RAMP1: variants seen among roughly 807,000 people sequenced by gnomAD.
The protein encoded by RAMP1 is receptor activity-modifying protein 1.
RAMP1 carries 7 observed loss-of-function variants against 8.2 expected under a neutral mutation model. That is an observed-to-expected ratio of 0.85 (90% CI 0.49 to 1.60). The LOEUF (loss-of-function observed/expected upper bound fraction) is 1.60. Ranked by LOEUF, RAMP1 falls within the 40% of genes most tolerant of loss-of-function variation. The pLI, the probability that RAMP1 is intolerant of heterozygous loss-of-function variation, is 0.00. For missense variants in RAMP1, 192 were observed against 202.4 expected (o/e 0.95, Z 0.31); for synonymous variants, 92 against 84.7 (o/e 1.09, Z -0.47).
rs557549486 is a variant in RAMP1 at position 237,866,116 on chromosome 2, G to A, written c.52+6389G>A. ...CAGGGAGGATTACATCAAGACCACC[G>A]GCTCGAGAAACAGCAGTCTGTTCCT... On this transcript the variant is annotated intron_variant, in intron 1 of 2. Transcript: ENST00000254661. 1.8e-4 allele frequency among the ~76,000 whole-genome samples: 28 copies of A among 152,044 alleles called. 1 individual carries two copies. Among genetic ancestry groups the A allele is most frequent in the Admixed American group, 9.8e-4 (15 of 15,268 alleles).
chr2:237,861,114 A>G (rs921508227), intron 1 of RAMP1, among the ~76,000 whole-genome samples: 1 of 152,232 alleles, frequency 6.6e-6, no homozygotes, highest in East Asian at 1.9e-4. Context: ...TAAATAACCA[A>G]ATAAATAAAC....
intron 1 of RAMP1, among the ~76,000 whole-genome samples, chr2:237,876,257 G>A (rs1268988562): frequency 2.6e-5 from 4 of 152,188 alleles, no homozygotes; most frequent in Non-Finnish European, 2.9e-5. Flanking sequence ...CCTCTCCTTG[G>A]GTGGGCTCCC....
intron 2 of RAMP1, among the ~76,000 whole-genome samples, chr2:237,889,874 C>A (rs529876164): frequency 2.4e-3 from 372 of 152,312 alleles, no homozygotes; most frequent in Non-Finnish European, 4.2e-3. Context: ...AATCCTCCTG[C>A]CTGAGCCTCC....
intron 2 of RAMP1, among the ~76,000 whole-genome samples, chr2:237,910,576 TACACAGTCACACAGAATA>T (rs1288690485): frequency 4.9e-5 from 7 of 143,122 alleles, no homozygotes; most frequent in African/African-American, 1.9e-4. Flanking sequence ...GAATAACAGT[TACACAGTCACACAGAATA>T]ACACAGTCAC....
intron 2 of RAMP1, among the ~76,000 whole-genome samples, chr2:237,910,819 T>A (rs2062704803): frequency 6.9e-6 from 1 of 144,366 alleles, no homozygotes; most frequent in African/African-American, 2.6e-5. Context: ...ACAAAGAGAA[T>A]AATAGTCACA....
Position 237,865,689 on chromosome 2 carries a change from A to G in RAMP1, c.52+5962A>G, listed in dbSNP as rs1207543022. Among the ~76,000 whole-genome samples, 1 of 152,180 alleles carries G rather than the reference A, an allele frequency of 6.6e-6. No homozygotes were observed. The highest frequency in any genetic ancestry group is 1.5e-5 in the Non-Finnish European group (1 of 68,028). ...GGCCAAGAGAGGTGTTTCTGGCGGC[A>G]GCAGGGCCTGGCCTATGTCAAATCC... On this transcript the variant is annotated intron_variant, in intron 1 of 2. Transcript: ENST00000254661. The surrounding 1 kb of genome is among the most constrained non-coding windows in gnomAD (Gnocchi z 4.2).
At position 237,878,432 on chromosome 2, in the gene RAMP1, C is replaced by G. The variant is rs1428715076; in HGVS notation, c.191+1070C>G. Among the ~76,000 whole-genome samples, 1 of 152,246 alleles carries G rather than the reference C, an allele frequency of 6.6e-6. No individual in the cohort carries two copies. The highest frequency in any genetic ancestry group is 2.4e-5 in the African/African-American group (1 of 41,456). ...CACAATTCTGTGGGGTTGAAGACCCCTAGTTGGACTCGTCACCCCTCCCCT... is the reference window on the plus strand; with the variant it reads ...CACAATTCTGTGGGGTTGAAGACCCGTAGTTGGACTCGTCACCCCTCCCCT... On this transcript the variant is annotated intron_variant, in intron 2 of 2. Coordinates refer to ENST00000254661, the MANE Select transcript of RAMP1 (RefSeq NM_005855.4). This position sits in a 1 kb window ranked among gnomAD's most constrained non-coding sequence, Gnocchi z 5.7.
chr2:237,869,916 C>A (rs903649272), intron 1 of RAMP1: 5 of 152,290 alleles, frequency 3.3e-5, no homozygotes, highest in Non-Finnish European at 7.3e-5. Flanking sequence ...CGTGTGAGGC[C>A]ACCTCTGCCA....
rs916890234 is a variant in RAMP1, at chr2:237,889,533, G to A, written c.191+12171G>A. 5.3e-5 allele frequency among the ~76,000 whole-genome samples: 8 copies of A among 152,078 alleles called. No individual in the cohort carries two copies. The East Asian group carries it at 7.7e-4, about 15-fold the overall frequency. On this transcript the variant is annotated intron_variant, in intron 2 of 2. Transcript: ENST00000254661. Reference sequence around the variant, plus strand: ...TACTTATATTCTGGGGTCGTACCACGCCATTTAAATTACCACAACTTTACA... The same window carrying A: ...TACTTATATTCTGGGGTCGTACCACACCATTTAAATTACCACAACTTTACA...
chr2:237,886,984 C>A (rs1353714115), intron 2 of RAMP1, among the ~76,000 whole-genome samples: 1 of 152,184 alleles, frequency 6.6e-6, no homozygotes, highest in Non-Finnish European at 1.5e-5. Flanking sequence ...CTAGAACCAT[C>A]CAGGCTGTGC....
At chr2:237,888,457 G>T (rs191995854) in intron 2 of RAMP1, among the ~76,000 whole-genome samples, 2 of 152,114 alleles carry the variant, frequency 1.3e-5, no homozygotes, top group Non-Finnish European at 2.9e-5. Context: ...TCATAGGCTC[G>T]TGAGTATTGA....
intron 2 of RAMP1, among the ~76,000 whole-genome samples, chr2:237,892,392 G>A (rs1261050021): frequency 6.6e-6 from 1 of 150,732 alleles, no homozygotes; most frequent in Non-Finnish European, 1.5e-5. Flanking sequence ...CCAAGTAGCT[G>A]GAACTACAGG....
chr2:237,876,875 A>G (rs2062311148), intron 1 of RAMP1, among the ~76,000 whole-genome samples: 2 of 152,000 alleles, frequency 1.3e-5, no homozygotes, highest in South Asian at 4.2e-4. Flanking sequence ...AGCCCAGCCC[A>G]TCCCCAGGTA....
At chr2:237,892,194 CTTAA>C (rs1055290607) in intron 2 of RAMP1, among the ~76,000 whole-genome samples, 6 of 151,596 alleles carry the variant, frequency 4.0e-5, no homozygotes, top group Non-Finnish European at 8.8e-5. Flanking sequence ...CAATTTTTGT[CTTAA>C]TTGTTTATCT....
chr2:237,893,704 C>T (rs1418446181), intron 2 of RAMP1, among the ~76,000 whole-genome samples: 1 of 152,040 alleles, frequency 6.6e-6, no homozygotes, highest in African/African-American at 2.4e-5. Context: ...TTTGGGAGGC[C>T]AAGGCAGGTG....
intron 2 of RAMP1, among the ~76,000 whole-genome samples, chr2:237,887,113 G>A (rs1202635190): frequency 2.0e-5 from 3 of 152,210 alleles, no homozygotes; most frequent in Non-Finnish European, 4.4e-5. Context: ...GTGGGGGAGA[G>A]AGGATGAAGA....
At chr2:237,884,371 C>T (rs1048518984) in intron 2 of RAMP1, among the ~76,000 whole-genome samples, 11 of 152,142 alleles carry the variant, frequency 7.2e-5, no homozygotes, top group Non-Finnish European at 1.3e-4. Flanking sequence ...GAAAACCTGG[C>T]AAATGTGTCA....
At chr2:237,876,469 TG>T (rs958698884) in intron 1 of RAMP1, among the ~76,000 whole-genome samples, 6 of 151,172 alleles carry the variant, frequency 4.0e-5, no homozygotes, top group African/African-American at 4.9e-5. Flanking sequence ...GGATGTGGCC[TG>T]GGGGGAAAAG....
chr2:237,904,141 C>CA (rs1480930738), intron 2 of RAMP1, among the ~76,000 whole-genome samples: 5 of 152,146 alleles, frequency 3.3e-5, no homozygotes, highest in Non-Finnish European at 4.4e-5. Flanking sequence ...GGGCCGGGCT[C>CA]AGTGGCTCAC....
Sources: allele counts gnomAD v4.1 joint callset (sites outside exome capture counted in the v4.1 genomes callset), GRCh38; gene constraint gnomAD v4.1.1; non-coding constraint Gnocchi (gnomAD v3.1); transcripts MANE v1.5; gene names NCBI Gene and HGNC (gene_info 2026-07-23, HGNC 2026-07-21).